The following SLC17A5 variants were observed in gnomAD, a reference collection of about 807,000 sequenced individuals.
SLC17A5 encodes sialin.
Under a neutral mutation model 59.4 loss-of-function variants are expected in SLC17A5, and 47 were observed. The ratio of observed to expected loss-of-function variants is 0.79; its 90% CI spans 0.63 to 1.01. The LOEUF is 1.01. SLC17A5 is among the 50% of genes least tolerant of loss of function. SLC17A5 has a pLI of 0.00. For missense variants in SLC17A5, 522 were observed against 595.5 expected (o/e 0.88, Z 1.28); for synonymous variants, 202 against 210.7 (o/e 0.96, Z 0.36).
In SLC17A5 at chr6:73,594,922, G is replaced by A. The variant is rs1184283731; in HGVS notation, c.*155C>T. On this transcript the variant is annotated 3_prime_UTR_variant, in exon 11 of 11. Transcript: ENST00000355773. ...TAAACACAGTTCATTTTATTATTCTGGCAACTAGTGATATTTCATGATTAT... is the reference window on the plus strand; with the variant it reads ...TAAACACAGTTCATTTTATTATTCTAGCAACTAGTGATATTTCATGATTAT... 1.3e-6 allele frequency: 1 copy of A among 768,616 alleles called. No homozygotes were observed. Among genetic ancestry groups the A allele is most frequent in the African/African-American group, 1.8e-5 (1 of 56,770 alleles). The allele number at this position is 768,616 out of a possible 1,614,324, so 47.6% of individuals were successfully genotyped here.
intron 10 of SLC17A5, 84 bp from the exon 11 acceptor site, chr6:73,595,298 T>A (rs1581948642): frequency 3.5e-6 from 5 of 1,436,184 alleles, no homozygotes; most frequent in Non-Finnish European, 9.7e-7. Context: ...ACAAGAGTGT[T>A]AAAACAGCCA....
At chr6:73,645,175 A>C (rs1040165144) in intron 1 of SLC17A5, 1 of 195,012 alleles carries the variant, frequency 5.1e-6, no homozygotes, top group Non-Finnish European at 9.3e-6. Flanking sequence ...ACTTACAATG[A>C]CATGATATAT....
At chr6:73,618,158 G>A (rs1046338813) in intron 7 of SLC17A5, among the ~76,000 whole-genome samples, 2 of 151,712 alleles carry the variant, frequency 1.3e-5, no homozygotes, top group African/African-American at 2.4e-5. Flanking sequence ...GAACCCGGGA[G>A]GTGGAGGTTG....
At chr6:73,595,851 T>G (rs1766767514) in intron 10 of SLC17A5, among the ~76,000 whole-genome samples, 1 of 151,716 alleles carries the variant, frequency 6.6e-6, no homozygotes, top group African/African-American at 2.4e-5. Context: ...GAGCTGGGAT[T>G]AGAGGTGCAT....
chr6:73,602,403 C>T (rs895735884), intron 9 of SLC17A5, among the ~76,000 whole-genome samples: 7 of 150,722 alleles, frequency 4.6e-5, no homozygotes, highest in Admixed American at 1.3e-4. Flanking sequence ...CTGCCAAATC[C>T]CCCTCTGTGA....
Position 73,601,831 on chromosome 6 carries a change from T to A in SLC17A5, c.1260-1390A>T, listed in dbSNP as rs865893357. On this transcript the variant is annotated intron_variant, in intron 9 of 10. Coordinates refer to ENST00000355773, the MANE Select transcript of SLC17A5 (RefSeq NM_012434.5). ...GAGGGAGGTGGGGGGGTCAGCCCCC[T>A]GCCCGGCCAGCCGCCCCGTCCGGGA... is the stretch of plus-strand genomic sequence containing the variant. 1.8e-4 allele frequency among the ~76,000 whole-genome samples: 23 copies of A among 124,784 alleles called. 1 individual carries two copies. The highest frequency in any genetic ancestry group is 3.1e-4 in the Non-Finnish European group (18 of 58,206). The allele number at this position is 124,784 out of a possible 152,430, so 81.9% of individuals were successfully genotyped here. A position where few individuals can be genotyped will look rare whatever the true frequency, so the allele number is the denominator to read the frequency against.
Position 73,623,899 on chromosome 6 carries a change from G to T in SLC17A5, c.820-1937C>A, listed in dbSNP as rs181690138. On this transcript the variant is annotated intron_variant, in intron 6 of 10. Coordinates refer to ENST00000355773, the MANE Select transcript of SLC17A5 (RefSeq NM_012434.5). ...TTTTTAGTAGAGACAGAGTTTCACC[G>T]TGTTAGCCAGGATGGTCTCGATCTC... Among the ~76,000 whole-genome samples, 44 of 150,462 alleles carry T rather than the reference G, an allele frequency of 2.9e-4. 1 individual carries two copies. Among genetic ancestry groups the T allele is most frequent in the African/African-American group, 1.1e-3 (44 of 41,068 alleles).
intron 7 of SLC17A5, chr6:73,618,569 G>T (rs900899814): frequency 1.9e-6 from 1 of 522,242 alleles, no homozygotes; most frequent in Non-Finnish European, 3.7e-6. Flanking sequence ...CTTATGGAAG[G>T]ATGTTCCTTC....
chr6:73,653,379 C>T (rs1769960948), intron 1 of SLC17A5: 1 of 985,336 alleles, frequency 1.0e-6, no homozygotes, highest in Non-Finnish European at 1.2e-6. Flanking sequence ...ACACCGGGGT[C>T]CTCCGCTCGG....
intron 6 of SLC17A5, among the ~76,000 whole-genome samples, chr6:73,629,393 AAAAAC>A (rs1652465940): frequency 1.3e-5 from 2 of 151,946 alleles, no homozygotes; most frequent in African/African-American, 4.8e-5. Flanking sequence ...CTTTGTGTCA[AAAAAC>A]AAAACAACAC....
At chr6:73,637,204 AT>A (rs1769055712) in intron 4 of SLC17A5, among the ~76,000 whole-genome samples, 2 of 152,220 alleles carry the variant, frequency 1.3e-5, no homozygotes, top group South Asian at 4.1e-4. Flanking sequence ...TGGGAACTTC[AT>A]TTGGGTAAAG....
In SLC17A5 at chr6:73,595,070, G is replaced by T; in HGVS notation, c.*7C>A. 1.2e-6 allele frequency: 2 copies of T among 1,613,910 alleles called. No individual in the cohort carries two copies. Among genetic ancestry groups the T allele is most frequent in the Non-Finnish European group, 1.7e-6 (2 of 1,179,886 alleles). ...ATTAATAGAGGCAGGATTATTTATT[G>T]GTTCCTTCAGTGTCTGTGTCCATGG... On this transcript the variant is annotated 3_prime_UTR_variant, in exon 11 of 11. Transcript: ENST00000355773.
intron 10 of SLC17A5, among the ~76,000 whole-genome samples, chr6:73,597,206 G>A (rs1031894728): frequency 1.3e-5 from 2 of 151,310 alleles, no homozygotes; most frequent in Non-Finnish European, 2.9e-5. Flanking sequence ...GGTGGCTTAC[G>A]CCTGTAATCC....
At chr6:73,609,505 A>G (rs1189720314) in intron 9 of SLC17A5, among the ~76,000 whole-genome samples, 1 of 152,194 alleles carries the variant, frequency 6.6e-6, no homozygotes, top group Admixed American at 6.6e-5. Flanking sequence ...CAAGGGCTAC[A>G]CAAATATATT....
At chr6:73,600,199 C>T (rs780360385) in intron 10 of SLC17A5, 152 bp downstream of exon 10, 42 of 679,060 alleles carry the variant, frequency 6.2e-5, no homozygotes, top group Middle Eastern at 3.6e-4. Flanking sequence ...TGAAAATATA[C>T]TTTCCCATCC....
chr6:73,624,407 A>T (rs1313091288), intron 6 of SLC17A5, among the ~76,000 whole-genome samples: 1 of 152,180 alleles, frequency 6.6e-6, no homozygotes, highest in Admixed American at 6.5e-5. Context: ...CTGTCTCAAA[A>T]AATAAAAACA....
chr6:73,626,784 T>A (rs939425031), intron 6 of SLC17A5, among the ~76,000 whole-genome samples: 6 of 152,378 alleles, frequency 3.9e-5, no homozygotes, highest in East Asian at 1.9e-4. Context: ...TAAATTTTTT[T>A]ATTTTTAGAT....
intron 9 of SLC17A5, among the ~76,000 whole-genome samples, chr6:73,608,765 T>C (rs910300953): frequency 6.6e-6 from 1 of 152,158 alleles, no homozygotes; most frequent in Admixed American, 6.6e-5. Flanking sequence ...CCTGTAATCC[T>C]AGCACTTCGG....
chr6:73,595,196 G>A lies in SLC17A5; in HGVS notation c.1369C>T (p.Gln457Ter), dbSNP rs754000835. The change falls in exon 11 of 11, where the codon CAA becomes TAA. Residue 457 changes from glutamine to a stop codon, truncating the protein, a stop_gained. Transcript: ENST00000355773. LOFTEE classifies it high-confidence loss of function. Reference sequence around the variant, plus strand: ...GCAGCAGCAATATAGAACACGGTTTGCCATTCTCCAACAGTGTTCTATAAA... The same window carrying A: ...GCAGCAGCAATATAGAACACGGTTTACCATTCTCCAACAGTGTTCTATAAA... Reference protein sequence around the residue: ...LTPDNTVGEWQTVFYIAAAIN... With the variant: ...LTPDNTVGEW 1 of 1,614,080 alleles carries A rather than the reference G, an allele frequency of 6.2e-7. No individual in the cohort carries two copies. Among genetic ancestry groups the A allele is most frequent in the Non-Finnish European group, 8.5e-7 (1 of 1,180,004 alleles).
Sources: allele counts gnomAD v4.1 joint callset (sites outside exome capture counted in the v4.1 genomes callset), GRCh38; gene constraint gnomAD v4.1.1; transcripts MANE v1.5; gene names NCBI Gene and HGNC (gene_info 2026-07-23, HGNC 2026-07-21).